PLEKHG5: variants seen among roughly 807,000 people sequenced by gnomAD.
PLEKHG5 encodes the protein pleckstrin homology and RhoGEF domain containing G5.
Under a neutral mutation model 103.8 loss-of-function variants are expected in PLEKHG5, and 52 were observed. The ratio of observed to expected loss-of-function variants is 0.50; its 90% CI spans 0.40 to 0.63. PLEKHG5 has a LOEUF of 0.63. Among genes scored for constraint, PLEKHG5 ranks in the 30% least tolerant of loss-of-function variants. The probability of loss-of-function intolerance (pLI) is 0.00; values close to 1 mark genes in which losing one functional copy is unlikely to be tolerated. For synonymous variants in PLEKHG5, 592 were observed against 575.5 expected (o/e 1.03, Z -0.41); for missense variants, 1,205 against 1,347.6 (o/e 0.89, Z 1.66).
At chr1:6,485,294 C>T in intron 1 of PLEKHG5, 5 of 1,340,098 alleles carry the variant, frequency 3.7e-6, no homozygotes, top group South Asian at 1.7e-5. Context: ...GGGCACCCAG[C>T]CCCGTTCCCG....
intron 10 of PLEKHG5, among the ~76,000 whole-genome samples, chr1:6,472,184 C>A (rs949518043): frequency 6.6e-6 from 1 of 152,222 alleles, no homozygotes; most frequent in African/African-American, 2.4e-5. Flanking sequence ...GTGCTCCCCT[C>A]CCTGAGCCGA....
exon 1 of PLEKHG5, chr1:6,519,686 G>A: frequency 1.5e-6 from 1 of 658,192 alleles, no homozygotes; most frequent in Non-Finnish European, 2.7e-6. Context: ...GGACCTGTCT[G>A]CACAGAAAAC....
intron 1 of PLEKHG5, among the ~76,000 whole-genome samples, chr1:6,484,315 C>A (rs561203340): frequency 1.1e-3 from 171 of 152,288 alleles, no homozygotes; most frequent in African/African-American, 3.9e-3. Context: ...TCGACTCCTC[C>A]AGCTGCTGCC....
Position 6,475,258 on chromosome 1 carries a change from C to T in PLEKHG5, c.211-120G>A. The T allele has an allele frequency of 5.8e-6, 4 of 687,604 alleles. No homozygotes were observed. The South Asian group carries it at 6.2e-5, about 11-fold the overall frequency. 42.6% of individuals were successfully genotyped at this position (687,604 alleles called of 1,614,324 possible). On this transcript the variant is annotated intron_variant, in intron 4 of 20. Transcript: ENST00000377728. ...CCTCCTCCCCACCCTCCTTCCCACCCTCCTTCCCAACCCTCCTCCCCACCC... is the reference window on the plus strand; with the variant it reads ...CCTCCTCCCCACCCTCCTTCCCACCTTCCTTCCCAACCCTCCTCCCCACCC...
chr1:6,519,372 C>T, intron 1 of PLEKHG5: 2 of 1,218,646 alleles, frequency 1.6e-6, no homozygotes, highest in Non-Finnish European at 2.4e-6. Context: ...CCTCCAAGAC[C>T]TGCAAAGCCC....
chr1:6,507,443 C>T (rs1638355255), intron 1 of PLEKHG5, among the ~76,000 whole-genome samples: 2 of 152,230 alleles, frequency 1.3e-5, no homozygotes. Flanking sequence ...TTGCACTGGG[C>T]TCCCCAGCCA....
At chr1:6,469,750 C>T in intron 16 of PLEKHG5, 74 bp from the exon 17 acceptor site, 1 of 1,484,102 alleles carries the variant, frequency 6.7e-7, no homozygotes, top group Non-Finnish European at 9.3e-7. Context: ...CCAGCCTCCC[C>T]TGGGAGCACT....
intron 1 of PLEKHG5, among the ~76,000 whole-genome samples, chr1:6,478,411 C>T (rs1281797948): frequency 1.3e-5 from 2 of 151,816 alleles, no homozygotes; most frequent in African/African-American, 4.8e-5. Context: ...TCAAGTGATC[C>T]GCCCACCTTG....
At chr1:6,519,529 G>A (rs1437336332) in exon 1 of PLEKHG5, 1 of 1,607,758 alleles carries the variant, frequency 6.2e-7, no homozygotes, top group South Asian at 1.1e-5. Flanking sequence ...CTCTGCGGTG[G>A]TGGCACCCTG....
chr1:6,518,719 G>A (rs903438147), intron 1 of PLEKHG5, among the ~76,000 whole-genome samples: 5 of 152,208 alleles, frequency 3.3e-5, no homozygotes, highest in Admixed American at 2.0e-4. Flanking sequence ...GGGACAGTCT[G>A]AAGGGCCTTG....
At chr1:6,507,194 C>T (rs1638349975) in intron 1 of PLEKHG5, among the ~76,000 whole-genome samples, 1 of 152,136 alleles carries the variant, frequency 6.6e-6, no homozygotes, top group African/African-American at 2.4e-5. Context: ...TCCACGTGAC[C>T]TGTGCCCCAG....
chr1:6,473,373 T>C lies in PLEKHG5; in HGVS notation c.673A>G (p.Ser225Gly), dbSNP rs1644656471. The change falls in exon 8 of 21, where the codon AGC becomes GGC. Residue 225 changes from serine to glycine, a missense_variant. By Grantham distance (56) the Ser-to-Gly change is moderately conservative. Coordinates refer to ENST00000377728, the MANE Select transcript of PLEKHG5 (RefSeq NM_020631.6). The part of the protein sequence containing the change: ...IPGQEPPTPS[S>G]CSLPSGSSGS... ...CTGCTGCCGCTGGGCAGAGAGCAGC[T>C]GGAGGGCGTGGGGGGCTCCTGCCCG... 1 of 1,549,108 alleles carries C rather than the reference T, an allele frequency of 6.5e-7. No homozygotes were observed. Among genetic ancestry groups the C allele is most frequent in the Admixed American group, 2.0e-5 (1 of 51,006 alleles).
upstream of PLEKHG5, chr1:6,497,495 A>C (rs1645246191): frequency 5.7e-6 from 1 of 174,498 alleles, no homozygotes; most frequent in Non-Finnish European, 1.1e-5. The surrounding 1 kb of genome is among the most constrained non-coding windows in gnomAD (Gnocchi z 6.1). Flanking sequence ...GGGCGGGGGG[A>C]CAGGAGCGCG....
upstream of PLEKHG5, among the ~76,000 whole-genome samples, chr1:6,494,534 G>A (rs1645195448): frequency 6.6e-6 from 1 of 152,090 alleles, no homozygotes; most frequent in South Asian, 2.1e-4. Flanking sequence ...ACAGTGCTGG[G>A]ATCGCAGGTA....
At position 6,477,150 on chromosome 1, in the gene PLEKHG5, C is replaced by T. The variant is rs1204314093; in HGVS notation, c.43+379G>A. On this transcript the variant is annotated intron_variant, in intron 2 of 20. Coordinates refer to ENST00000377728, the MANE Select transcript of PLEKHG5 (RefSeq NM_020631.6). ...AAGTGCCTCCTGACCTGGCCACCCC[C>T]ACTCCACACTGCCTCTGCTAGGCCC... Among the ~76,000 whole-genome samples the T allele has an allele frequency of 2.6e-5, 4 of 152,320 alleles. No homozygotes were observed. The South Asian group carries it at 6.2e-4, about 24-fold the overall frequency.
intron 1 of PLEKHG5, among the ~76,000 whole-genome samples, chr1:6,516,862 A>ATGTG (rs372208282): frequency 0.044 from 1,077 of 24,240 alleles, 23 homozygotes; most frequent in African/African-American, 0.068. Flanking sequence ...GTGTGTATAT[A>ATGTG]TGTGTATATA....
rs984491592 is a variant in PLEKHG5, at chr1:6,507,229, G to A, written c.-164-10660C>T. Reference sequence around the variant, plus strand: ...GCAGGGTCATTGTGGCTTTCCCTGCGTGTGTGGGCACTTCCTTCATGGCAC... The same window carrying A: ...GCAGGGTCATTGTGGCTTTCCCTGCATGTGTGGGCACTTCCTTCATGGCAC... On this transcript the variant is annotated intron_variant, in intron 1 of 21. Transcript: ENST00000377740. Among the ~76,000 whole-genome samples the A allele has an allele frequency of 1.6e-4, 25 of 152,306 alleles. No individual in the cohort carries two copies. In the South Asian group the frequency reaches 3.3e-3, roughly 20 times the overall value.
At chr1:6,480,615 A>G (rs546612912) in intron 1 of PLEKHG5, among the ~76,000 whole-genome samples, 107 of 151,310 alleles carry the variant, frequency 7.1e-4, no homozygotes, top group African/African-American at 2.5e-3. Context: ...ACCTAAATCA[A>G]TTATTTGATT....
chr1:6,468,567 C>A lies in PLEKHG5; in HGVS notation c.2269G>T (p.Glu757Ter), dbSNP rs1199089543. Residue 757 changes from glutamate to a stop codon, truncating the protein, a stop_gained, in exon 20 of 21, where the codon GAG (glutamate) becomes TAG (stop). Transcript: ENST00000377728. LOFTEE classifies it high-confidence loss of function. ...SQHCASDGST[E>*]TLAMVVVEPG... The stretch of plus-strand genomic sequence containing the variant: ...TCTACCACAACCATGGCCAGGGTCT[C>A]CGTGGAGCCATCTGAGGCACTGTGG... 19 of 1,612,844 alleles carry A rather than the reference C, an allele frequency of 1.2e-5. No individual in the cohort carries two copies. The highest frequency in any genetic ancestry group is 1.5e-5 in the Non-Finnish European group (18 of 1,179,986).
Sources: gnomAD v4.1 joint callset for allele counts (sites outside exome capture counted in the v4.1 genomes callset) on GRCh38, gnomAD v4.1.1 for gene constraint, Gnocchi (gnomAD v3.1) non-coding constraint, MANE v1.5 for transcripts, NCBI Gene and HGNC (gene_info 2026-07-23, HGNC 2026-07-21) for gene names.